Variants in SLC2A13 observed in about 807,000 individuals in gnomAD.
SLC2A13 encodes the protein proton myo-inositol cotransporter.
Under a neutral mutation model 64.4 loss-of-function variants are expected in SLC2A13, and 32 were observed. The observed-to-expected ratio is 0.50, with a 90% CI of 0.37 to 0.67. The LOEUF (loss-of-function observed/expected upper bound fraction) is 0.67. Ranked by LOEUF, SLC2A13 falls within the 30% of genes least tolerant of loss-of-function variation. The pLI, the probability that SLC2A13 is intolerant of heterozygous loss-of-function variation, is 0.00. For synonymous variants in SLC2A13, 338 were observed against 327.1 expected (o/e 1.03, Z -0.36); for missense variants, 743 against 829.2 (o/e 0.90, Z 1.28).
At chr12:39,842,461 T>A (rs1456843262) in intron 6 of SLC2A13, among the ~76,000 whole-genome samples, 1 of 152,036 alleles carries the variant, frequency 6.6e-6, no homozygotes, top group Non-Finnish European at 1.5e-5. Context: ...CTGATCAGCA[T>A]AGTGACTAAC....
rs1939951088 is a variant in SLC2A13 at position 39,755,569 on chromosome 12, A to G, written c.*4457T>C. The G allele has an allele frequency of 6.6e-6, 1 of 152,052 alleles. No homozygotes were observed. Among genetic ancestry groups the G allele is most frequent in the African/African-American group, 2.4e-5 (1 of 41,426 alleles). 9.4% of individuals were successfully genotyped at this position (152,052 alleles called of 1,614,324 possible). A position where few individuals can be genotyped will look rare whatever the true frequency, so the allele number is the denominator to read the frequency against. On this transcript the variant is annotated 3_prime_UTR_variant, in exon 10 of 10. Transcript: ENST00000280871. ...TGGCTAGAGTTGTCTCTTCTTTTTT[A>G]ACCTTTAAATGAGATGGAATAATGT...
intron 3 of SLC2A13, among the ~76,000 whole-genome samples, chr12:40,012,377 A>G (rs191494649): frequency 1.3e-5 from 2 of 152,318 alleles, no homozygotes; most frequent in East Asian, 3.9e-4. Context: ...CTCTTTTCTC[A>G]AAAATTATCT....
rs62647586 is a variant in SLC2A13, at chr12:39,896,292, G to A, written c.1035-24331C>T. ...TATATATGTATACATGTATGTATAT[G>A]TGTGTATATATGTATACATATATGT... On this transcript the variant is annotated intron_variant, in intron 4 of 9. Coordinates refer to ENST00000280871, the MANE Select transcript of SLC2A13 (RefSeq NM_052885.4). 2.4e-3 allele frequency among the ~76,000 whole-genome samples: 88 copies of A among 36,832 alleles called. 2 individuals are homozygous for A. In the East Asian group the frequency reaches 0.099, roughly 41 times the overall value. 24.2% of individuals were successfully genotyped at this position (36,832 alleles called of 152,430 possible). A position where few individuals can be genotyped will look rare whatever the true frequency, so the allele number is the denominator to read the frequency against.
chr12:39,913,067 G>C (rs371608634), intron 4 of SLC2A13, among the ~76,000 whole-genome samples: 1 of 152,044 alleles, frequency 6.6e-6, no homozygotes, highest in Non-Finnish European at 1.5e-5. Context: ...AGAAAGCCAA[G>C]AGATAAGGTA....
At chr12:39,981,615 G>C (rs1209444803) in intron 3 of SLC2A13, among the ~76,000 whole-genome samples, 3 of 151,676 alleles carry the variant, frequency 2.0e-5, no homozygotes, top group African/African-American at 7.3e-5. Flanking sequence ...ACTCTCCCAA[G>C]ACTAAACCAG....
intron 3 of SLC2A13, among the ~76,000 whole-genome samples, chr12:39,953,735 G>T (rs1489629509): frequency 1.3e-5 from 2 of 151,952 alleles, no homozygotes; most frequent in Non-Finnish European, 2.9e-5. Context: ...AGAAATAAAA[G>T]ACCTAAAATA....
chr12:40,056,913 G>T (rs942586186), intron 1 of SLC2A13, among the ~76,000 whole-genome samples: 2 of 152,056 alleles, frequency 1.3e-5, no homozygotes. Flanking sequence ...CCGGGAGGTG[G>T]AGCTTGCAGT....
chr12:39,835,039 G>A (rs570574478), intron 6 of SLC2A13, among the ~76,000 whole-genome samples: 119 of 152,022 alleles, frequency 7.8e-4, no homozygotes, highest in Non-Finnish European at 1.4e-3. Flanking sequence ...ATGAATTTCG[G>A]TAAGGTTTTC....
At chr12:39,901,775 T>G (rs1243742902) in intron 4 of SLC2A13, among the ~76,000 whole-genome samples, 1 of 135,962 alleles carries the variant, frequency 7.4e-6, no homozygotes, top group African/African-American at 2.8e-5. Context: ...ATTGTGGAAG[T>G]CAGTGTGGCG....
chr12:39,779,436 C>T (rs532961223), intron 7 of SLC2A13, among the ~76,000 whole-genome samples: 16 of 152,294 alleles, frequency 1.1e-4, no homozygotes, highest in South Asian at 4.1e-4. Context: ...ATGACCCTCA[C>T]TAGATAGTAA....
intron 5 of SLC2A13, among the ~76,000 whole-genome samples, chr12:39,867,869 A>G (rs1317692512): frequency 3.2e-4 from 49 of 152,158 alleles, no homozygotes; most frequent in Admixed American, 3.2e-3. Context: ...GCTTTCCACA[A>G]GTGGTTATGA....
At chr12:39,887,989 C>A (rs554570587) in intron 4 of SLC2A13, among the ~76,000 whole-genome samples, 41 of 152,262 alleles carry the variant, frequency 2.7e-4, no homozygotes, top group Non-Finnish European at 4.1e-4. Context: ...ATCACCACCC[C>A]ACTCTCAGCC....
intron 2 of SLC2A13, among the ~76,000 whole-genome samples, chr12:40,034,694 G>A (rs2136223168): frequency 6.6e-6 from 1 of 152,228 alleles, no homozygotes; most frequent in East Asian, 1.9e-4. Flanking sequence ...ATAGCTTCAA[G>A]TTGGTATTCT....
Position 39,938,296 on chromosome 12 carries a change from G to A in SLC2A13, c.1034+12961C>T, listed in dbSNP as rs79383014. 8.5e-3 allele frequency among the ~76,000 whole-genome samples: 1,289 copies of A among 152,176 alleles called. 9 individuals are homozygous for A. Among genetic ancestry groups the A allele is most frequent in the African/African-American group, 0.029 (1,206 of 41,542 alleles). ...GTAGCTTGTGGAGTTTACACAGAGA[G>A]TAGGTGTGTTGGGTTTGGATTCAAA... On this transcript the variant is annotated intron_variant, in intron 4 of 9. Coordinates refer to ENST00000280871, the MANE Select transcript of SLC2A13 (RefSeq NM_052885.4).
intron 4 of SLC2A13, among the ~76,000 whole-genome samples, chr12:39,884,647 A>T (rs924539337): frequency 1.3e-5 from 2 of 152,152 alleles, no homozygotes; most frequent in African/African-American, 4.8e-5. Flanking sequence ...CATAACACTG[A>T]GGGTGACCGC....
intron 3 of SLC2A13, among the ~76,000 whole-genome samples, chr12:40,005,596 GA>G (rs1324383682): frequency 2.1e-4 from 32 of 152,328 alleles, no homozygotes; most frequent in Non-Finnish European, 1.5e-4. Flanking sequence ...AAACTTGCTA[GA>G]AATGCAAATT....
chr12:40,007,372 G>C lies in SLC2A13; in HGVS notation c.925+20929C>G, dbSNP rs574226055. ...AAAGAAGAATCAGTAAATAGTTCAA[G>C]AATAGTATAAATATTCTAAAACTTC... On this transcript the variant is annotated intron_variant, in intron 3 of 9. Transcript: ENST00000280871. Among the ~76,000 whole-genome samples the C allele has an allele frequency of 2.8e-4, 43 of 152,144 alleles. 1 individual carries two copies. The South Asian group carries it at 5.0e-3, about 18-fold the overall frequency.
intron 3 of SLC2A13, among the ~76,000 whole-genome samples, chr12:40,000,010 T>C (rs1289323696): frequency 1.3e-5 from 2 of 152,122 alleles, no homozygotes; most frequent in Admixed American, 6.6e-5. Context: ...TTATGGAAAA[T>C]AGAAAGAACC....
intron 4 of SLC2A13, among the ~76,000 whole-genome samples, chr12:39,924,868 A>G (rs1415720336): frequency 6.6e-6 from 1 of 152,116 alleles, no homozygotes; most frequent in East Asian, 1.9e-4. Flanking sequence ...AAGTATGAAG[A>G]ATAAGTTTCT....
Sources: gnomAD v4.1 joint callset for allele counts (sites outside exome capture counted in the v4.1 genomes callset) on GRCh38, gnomAD v4.1.1 for gene constraint, MANE v1.5 for transcripts, NCBI Gene and HGNC (gene_info 2026-07-23, HGNC 2026-07-21) for gene names.